SHCBP1: variants seen among roughly 807,000 people sequenced by gnomAD.
SHCBP1 encodes the protein SHC SH2 domain-binding protein 1.
A neutral mutation model predicts 75.1 loss-of-function variants in SHCBP1; 60 were observed. That is an observed-to-expected ratio of 0.80 (90% CI 0.65 to 0.99). SHCBP1 has a LOEUF of 0.99. Ranked by LOEUF, SHCBP1 falls within the 50% of genes least tolerant of loss-of-function variation. The probability of loss-of-function intolerance (pLI) is 0.00; values close to 1 mark genes in which losing one functional copy is unlikely to be tolerated. For synonymous variants in SHCBP1, 290 were observed against 293.2 expected (o/e 0.99, Z 0.11); for missense variants, 709 against 809.4 (o/e 0.88, Z 1.50).
chr16:46,609,742 G>C (rs915084576), intron 4 of SHCBP1, among the ~76,000 whole-genome samples: 1 of 151,780 alleles, frequency 6.6e-6, no homozygotes, highest in Non-Finnish European at 1.5e-5. Flanking sequence ...ATGAGCCACC[G>C]TGCCCAGTTG....
At chr16:46,612,672 T>C (rs1005121026) in intron 4 of SHCBP1, among the ~76,000 whole-genome samples, 21 of 152,182 alleles carry the variant, frequency 1.4e-4, no homozygotes, top group African/African-American at 4.8e-4. Flanking sequence ...CAAACCTCCA[T>C]GTAACTTGTT....
At chr16:46,619,436 G>C (rs1965552395) in intron 1 of SHCBP1, among the ~76,000 whole-genome samples, 1 of 151,882 alleles carries the variant, frequency 6.6e-6, no homozygotes. Flanking sequence ...ACCCACAGAT[G>C]ACCAAAGTGT....
In SHCBP1 at chr16:46,615,934, T is replaced by C. The variant is rs777434531; in HGVS notation, c.596+12A>G. The C allele has an allele frequency of 6.2e-7, 1 of 1,613,946 alleles. No homozygotes were observed. Among genetic ancestry groups the C allele is most frequent in the Non-Finnish European group, 8.5e-7 (1 of 1,179,804 alleles). On this transcript the variant is annotated intron_variant, in intron 4 of 12. Coordinates refer to ENST00000303383, the MANE Select transcript of SHCBP1 (RefSeq NM_024745.5). ...TGGCCACAAGGTTATTTTTCTCAAC[T>C]TCTTTTCCTACCTGACATGCTCAAT...
intron 5 of SHCBP1, among the ~76,000 whole-genome samples, chr16:46,606,442 C>T (rs1208649630): frequency 6.6e-6 from 1 of 152,200 alleles, no homozygotes; most frequent in Non-Finnish European, 1.5e-5. Context: ...ACGATTCCTC[C>T]CTTATGCCAT....
chr16:46,587,731 C>G (rs1263794477), intron 10 of SHCBP1, among the ~76,000 whole-genome samples: 1 of 152,102 alleles, frequency 6.6e-6, no homozygotes, highest in Admixed American at 6.5e-5. Context: ...TTTAACACCC[C>G]ACTGTCAACA....
Position 46,599,765 on chromosome 16 carries a change from C to G in SHCBP1, c.1345+66G>C, listed in dbSNP as rs919734183. The G allele has an allele frequency of 1.1e-4, 141 of 1,326,684 alleles. 1 individual carries two copies. The highest frequency in any genetic ancestry group is 2.5e-4 in the South Asian group (17 of 68,852). The allele number at this position is 1,326,684 out of a possible 1,614,324, so 82.2% of individuals were successfully genotyped here. A position where few individuals can be genotyped will look rare whatever the true frequency, so the allele number is the denominator to read the frequency against. The stretch of plus-strand genomic sequence containing the variant: ...GTGGCATTTCATTAAATTCTATCTT[C>G]CATAGAGAGAACCGTTTACCTTCAA... On this transcript the variant is annotated intron_variant, in intron 9 of 12. Transcript: ENST00000303383.
chr16:46,596,447 C>T (rs913191282), intron 9 of SHCBP1, among the ~76,000 whole-genome samples: 7 of 151,786 alleles, frequency 4.6e-5, no homozygotes, highest in Non-Finnish European at 8.8e-5. Context: ...GCGGAGCTTG[C>T]AGTGAGCAGA....
chr16:46,584,260 C>A lies in SHCBP1; in HGVS notation c.1465-171G>T. Reference sequence around the variant, plus strand: ...TTTTAATCAACATTTCCATTTGTTCCATTTCTAGCAAGTTGTTGACAATTT... The same window carrying A: ...TTTTAATCAACATTTCCATTTGTTCAATTTCTAGCAAGTTGTTGACAATTT... On this transcript the variant is annotated intron_variant, in intron 10 of 12. Coordinates refer to ENST00000303383, the MANE Select transcript of SHCBP1 (RefSeq NM_024745.5). 3 of 458,180 alleles carry A rather than the reference C, an allele frequency of 6.5e-6. No individual in the cohort carries two copies. The East Asian group carries it at 1.0e-4, about 15-fold the overall frequency. The allele number at this position is 458,180 out of a possible 1,614,324, so 28.4% of individuals were successfully genotyped here.
chr16:46,618,776 G>A (rs1170302818), intron 1 of SHCBP1, among the ~76,000 whole-genome samples: 15 of 152,130 alleles, frequency 9.9e-5, no homozygotes, highest in Non-Finnish European at 2.9e-5. Context: ...TGAGTAACTA[G>A]GACTACAGAC....
chr16:46,601,794 AT>A (rs1258778549), intron 8 of SHCBP1, among the ~76,000 whole-genome samples: 1 of 152,256 alleles, frequency 6.6e-6, no homozygotes, highest in Non-Finnish European at 1.5e-5. Context: ...TTTTACACAA[AT>A]TTTTATATAA....
intron 10 of SHCBP1, among the ~76,000 whole-genome samples, chr16:46,586,605 A>G (rs1964957997): frequency 6.6e-6 from 1 of 152,228 alleles, no homozygotes; most frequent in African/African-American, 2.4e-5. Flanking sequence ...TACAGGTTCA[A>G]GAAGCTGAGC....
chr16:46,615,855 T>G, intron 4 of SHCBP1, 91 bp downstream of exon 4: 1 of 1,180,846 alleles, frequency 8.5e-7, no homozygotes, highest in Non-Finnish European at 1.2e-6. Context: ...TACAGTTGAG[T>G]TTTAAATCTG....
chr16:46,583,130 A>T (rs2142997165), intron 12 of SHCBP1, among the ~76,000 whole-genome samples: 1 of 152,292 alleles, frequency 6.6e-6, no homozygotes, highest in East Asian at 1.9e-4. Flanking sequence ...CAGCCTTAAC[A>T]AACGCCAGTA....
intron 3 of SHCBP1, 65 bp downstream of exon 3, chr16:46,617,569 T>C (rs1216252738): frequency 1.6e-6 from 2 of 1,223,088 alleles, no homozygotes; most frequent in East Asian, 4.7e-5. Flanking sequence ...GCACTTTGGA[T>C]ATAACAGTCT....
chr16:46,612,182 G>A (rs1965425748), intron 4 of SHCBP1, among the ~76,000 whole-genome samples: 1 of 152,170 alleles, frequency 6.6e-6, no homozygotes, highest in African/African-American at 2.4e-5. Context: ...AGATGGGAAT[G>A]ATCAAATACC....
At position 46,603,976 on chromosome 16, in the gene SHCBP1, T is replaced by C. The variant is rs748335934; in HGVS notation, c.1091A>G (p.Gln364Arg). 1 of 1,603,654 alleles carries C rather than the reference T, an allele frequency of 6.2e-7. No individual in the cohort carries two copies. The highest frequency in any genetic ancestry group is 8.5e-7 in the Non-Finnish European group (1 of 1,177,384). Residue 364 changes from glutamine (Q) to arginine (R), a missense_variant and splice_region_variant, in exon 7 of 13, where the codon CAG (glutamine) becomes CGG (arginine). Coordinates refer to ENST00000303383, the MANE Select transcript of SHCBP1 (RefSeq NM_024745.5). ...TGGAGTGAGAAACTCTCCGTTTACC[T>C]GAATTTCTCTTTCTTCCTCACCAGG... ...QEPGEEEREI[Q>R]FHSDPLSAIN...
At chr16:46,614,697 C>T (rs1015434369) in intron 4 of SHCBP1, among the ~76,000 whole-genome samples, 1 of 152,170 alleles carries the variant, frequency 6.6e-6, no homozygotes, top group East Asian at 1.9e-4. Context: ...AATGTGTATT[C>T]GTCTTTTAGC....
intron 4 of SHCBP1, among the ~76,000 whole-genome samples, chr16:46,610,458 C>T (rs1965392850): frequency 6.7e-6 from 1 of 149,172 alleles, no homozygotes; most frequent in Non-Finnish European, 1.5e-5. Flanking sequence ...TTAGCCTACA[C>T]ATTACCTCTC....
intron 12 of SHCBP1, 133 bp downstream of exon 12, chr16:46,583,382 GC>G: frequency 1.1e-6 from 1 of 877,686 alleles, no homozygotes; most frequent in South Asian, 2.0e-5. Flanking sequence ...ATGTTACCAA[GC>G]TTCTCTCTCT....
Sources: gnomAD v4.1 joint callset for allele counts (sites outside exome capture counted in the v4.1 genomes callset) on GRCh38, gnomAD v4.1.1 for gene constraint, MANE v1.5 for transcripts, NCBI Gene and HGNC (gene_info 2026-07-23, HGNC 2026-07-21) for gene names.